PAK5: variants seen among roughly 807,000 people sequenced by gnomAD.
PAK5 encodes the protein p21 (RAC1) activated kinase 5, also known as serine/threonine-protein kinase PAK 5.
Under a neutral mutation model 65.9 loss-of-function variants are expected in PAK5, and 16 were observed. That is an observed-to-expected ratio of 0.24 (90% CI 0.16 to 0.37). The LOEUF is 0.37. Among genes scored for constraint, PAK5 ranks in the 10% least tolerant of loss-of-function variants. PAK5 has a pLI of 1.00. For missense variants in PAK5, 785 were observed against 903.9 expected (o/e 0.87, Z 1.69); for synonymous variants, 371 against 354.9 (o/e 1.05, Z -0.51).
At chr20:9,565,714 T>G (rs566669224) in intron 5 of PAK5, among the ~76,000 whole-genome samples, 179 bp downstream of exon 5, 1 of 152,316 alleles carries the variant, frequency 6.6e-6, no homozygotes, top group Non-Finnish European at 1.5e-5. Context: ...ACTTTATAGA[T>G]GTAACAGCCA....
intron 1 of PAK5, among the ~76,000 whole-genome samples, chr20:9,747,243 T>C (rs890471895): frequency 2.0e-5 from 3 of 152,194 alleles, no homozygotes; most frequent in Non-Finnish European, 4.4e-5. Context: ...CACAGCCGAA[T>C]TCTACCAGAG....
At chr20:9,768,338 G>T (rs955572217) in intron 1 of PAK5, among the ~76,000 whole-genome samples, 12 of 152,046 alleles carry the variant, frequency 7.9e-5, no homozygotes, top group African/African-American at 2.7e-4. Flanking sequence ...AGACACTGTA[G>T]ACTATAGATG....
chr20:9,796,200 A>C (rs1234904766), intron 1 of PAK5, among the ~76,000 whole-genome samples: 1 of 152,120 alleles, frequency 6.6e-6, no homozygotes, highest in Admixed American at 6.6e-5. Flanking sequence ...GAGACAGATA[A>C]GCAAAAAAGC....
chr20:9,657,947 T>C lies in PAK5; in HGVS notation c.-11-13608A>G, dbSNP rs1376057313. Among the ~76,000 whole-genome samples, 3 of 152,198 alleles carry C rather than the reference T, an allele frequency of 2.0e-5. No homozygotes were observed. In the East Asian group the frequency reaches 5.8e-4, roughly 29 times the overall value. On this transcript the variant is annotated intron_variant, in intron 2 of 9. Transcript: ENST00000353224. ...CTAGATAGTCCCAGATTCTCCAGAT[T>C]TTTTTATATTTTACATCAATGACAC... is the stretch of plus-strand genomic sequence containing the variant.
At chr20:9,780,209 C>G (rs1045917491) in intron 1 of PAK5, among the ~76,000 whole-genome samples, 1 of 151,354 alleles carries the variant, frequency 6.6e-6, no homozygotes, top group African/African-American at 2.4e-5. Context: ...CTTCTAGAAC[C>G]CTTTTCACCT....
intron 2 of PAK5, among the ~76,000 whole-genome samples, chr20:9,685,508 C>G (rs982282786): frequency 3.3e-5 from 5 of 152,150 alleles, no homozygotes; most frequent in Non-Finnish European, 7.4e-5. Context: ...CAGAAAACAA[C>G]TAGAATTTAG....
chr20:9,586,775 G>A (rs373644522), intron 3 of PAK5, among the ~76,000 whole-genome samples: 2 of 152,100 alleles, frequency 1.3e-5, no homozygotes, highest in South Asian at 2.1e-4. Context: ...CTGGGGACCT[G>A]CTCTTTCTGT....
chr20:9,588,766 C>T (rs6140972), intron 3 of PAK5, among the ~76,000 whole-genome samples: 7,937 of 152,170 alleles, frequency 0.052, 388 homozygotes, highest in East Asian at 0.27. Context: ...GATTTTATGC[C>T]ATGGAACCTC....
At position 9,538,736 on chromosome 20, in the gene PAK5, G is replaced by T. The variant is rs928760166; in HGVS notation, c.*726C>A. On this transcript the variant is annotated 3_prime_UTR_variant, in exon 10 of 10. Transcript: ENST00000353224. Reference sequence around the variant, plus strand: ...CTCAAATTTTATTTCATTATTTTTGGTTGGATTAATGAAACGTGCACACCA... The same window carrying T: ...CTCAAATTTTATTTCATTATTTTTGTTTGGATTAATGAAACGTGCACACCA... The T allele has an allele frequency of 8.6e-6, 2 of 233,210 alleles. No homozygotes were observed. Among genetic ancestry groups the T allele is most frequent in the Non-Finnish European group, 1.7e-5 (2 of 117,888 alleles). 14.4% of individuals were successfully genotyped at this position (233,210 alleles called of 1,614,324 possible).
At chr20:9,809,699 C>T (rs1488302297) in intron 1 of PAK5, among the ~76,000 whole-genome samples, 1 of 152,194 alleles carries the variant, frequency 6.6e-6, no homozygotes, top group Non-Finnish European at 1.5e-5. Flanking sequence ...TTCTACCACA[C>T]AGCACCTGTA....
intron 1 of PAK5, among the ~76,000 whole-genome samples, chr20:9,728,161 A>T (rs1312082632): frequency 6.6e-6 from 1 of 152,026 alleles, no homozygotes; most frequent in African/African-American, 2.4e-5. Context: ...GGCTTCAGAG[A>T]GCTGCTTTTG....
intron 4 of PAK5, among the ~76,000 whole-genome samples, chr20:9,569,484 GAGA>G (rs529028461): frequency 6.6e-6 from 1 of 152,318 alleles, no homozygotes; most frequent in African/African-American, 2.4e-5. Context: ...AAAGGGAGCA[GAGA>G]AGGAGTGACA....
At chr20:9,565,858 A>G in intron 5 of PAK5, 35 bp downstream of exon 5, 1 of 1,568,590 alleles carries the variant, frequency 6.4e-7, no homozygotes, top group Non-Finnish European at 8.7e-7. Flanking sequence ...AAATGTTACA[A>G]AGGAGAGAAA....
At chr20:9,755,141 A>G (rs1600331030) in intron 1 of PAK5, among the ~76,000 whole-genome samples, 1 of 152,198 alleles carries the variant, frequency 6.6e-6, no homozygotes, top group African/African-American at 2.4e-5. Context: ...ATTATTATGT[A>G]ATAAAACACT....
intron 1 of PAK5, among the ~76,000 whole-genome samples, chr20:9,773,672 G>A (rs6056860): frequency 0.38 from 57,199 of 152,096 alleles, 11,401 homozygotes; most frequent in African/African-American, 0.52. Flanking sequence ...AGTCAAGTCC[G>A]TAGGCATCAG....
chr20:9,779,066 A>C (rs2048915085), intron 1 of PAK5, among the ~76,000 whole-genome samples: 1 of 152,128 alleles, frequency 6.6e-6, no homozygotes, highest in African/African-American at 2.4e-5. Flanking sequence ...TGAAATGAAC[A>C]GTGCCTAGTA....
At chr20:9,626,745 G>A (rs570287339) in intron 3 of PAK5, among the ~76,000 whole-genome samples, 4 of 152,262 alleles carry the variant, frequency 2.6e-5, no homozygotes, top group African/African-American at 9.6e-5. Context: ...AGTTTGGACT[G>A]AATTACCTAA....
chr20:9,767,415 C>T (rs2876182), intron 1 of PAK5, among the ~76,000 whole-genome samples: 70,447 of 151,866 alleles, frequency 0.46, 16,661 homozygotes, highest in East Asian at 0.78. Flanking sequence ...CAGAGTTCCT[C>T]ACCCAGCCAC....
intron 2 of PAK5, among the ~76,000 whole-genome samples, chr20:9,669,650 T>C (rs2047466911): frequency 6.6e-6 from 1 of 152,128 alleles, no homozygotes; most frequent in African/African-American, 2.4e-5. Context: ...TACTGAGAAG[T>C]GGCCACAAGC....
Sources: allele counts gnomAD v4.1 joint callset (sites outside exome capture counted in the v4.1 genomes callset), GRCh38; gene constraint gnomAD v4.1.1; transcripts MANE v1.5; gene names NCBI Gene and HGNC (gene_info 2026-07-23, HGNC 2026-07-21).